The following GPHN variants were observed in gnomAD, a reference collection of about 807,000 sequenced individuals.
GPHN encodes gephyrin.
In GPHN, 17 loss-of-function variants were observed where a neutral mutation model predicts 95.5. That is an observed-to-expected ratio of 0.18 (90% CI 0.12 to 0.27). The LOEUF (loss-of-function observed/expected upper bound fraction) is 0.27, where lower values mean the gene tolerates loss of function less well. Ranked by LOEUF, GPHN falls within the 10% of genes least tolerant of loss-of-function variation. The pLI is 1.00. For synonymous variants in GPHN, 320 were observed against 322.5 expected (o/e 0.99, Z 0.08); for missense variants, 660 against 978.1 (o/e 0.67, Z 4.34).
chr14:66,859,412 G>A (rs2062936176), intron 4 of GPHN, among the ~76,000 whole-genome samples: 1 of 152,244 alleles, frequency 6.6e-6, no homozygotes, highest in South Asian at 2.1e-4. Flanking sequence ...GACCACCAAA[G>A]TGGTATCTCT....
At chr14:67,368,598 C>T in the GPHN span, among the ~76,000 whole-genome samples, 2 of 152,258 alleles carry the variant, frequency 1.3e-5, no homozygotes, top group East Asian at 3.9e-4. Flanking sequence ...AGGCTTAGTA[C>T]ACTTGACAAC....
At chr14:67,690,738 C>T in the GPHN span, 3 of 393,626 alleles carry the variant, frequency 7.6e-6, no homozygotes, top group African/African-American at 6.1e-5. Context: ...AATCTCAGCA[C>T]TTAAAGAGGC....
chr14:67,429,230 ATTTTT>A, the GPHN span, among the ~76,000 whole-genome samples: 1 of 134,632 alleles, frequency 7.4e-6, no homozygotes. Context: ...CAAGTGGACA[ATTTTT>A]TTTTTTTTTT....
chr14:66,799,448 C>CTTTTTATGTTTTTATTGGCATGGAATA (rs2060269422), intron 3 of GPHN, among the ~76,000 whole-genome samples: 1 of 152,002 alleles, frequency 6.6e-6, no homozygotes, highest in African/African-American at 2.4e-5. Flanking sequence ...GGGCCTCTCT[C>CTTTTTATGTTTTTATTGGCATGGAATA]TCTTTAGCTG....
At chr14:67,373,691 T>C in the GPHN span, among the ~76,000 whole-genome samples, 1 of 152,224 alleles carries the variant, frequency 6.6e-6, no homozygotes, top group African/African-American at 2.4e-5. Flanking sequence ...TTTAGTTTCT[T>C]CAGGTTAAAA....
the GPHN span, among the ~76,000 whole-genome samples, chr14:67,705,359 T>C: frequency 6.6e-6 from 1 of 152,208 alleles, no homozygotes; most frequent in Non-Finnish European, 1.5e-5. Context: ...TCAGTGTCAG[T>C]AGGTTACATA....
the GPHN span, among the ~76,000 whole-genome samples, chr14:67,406,115 T>C: frequency 6.6e-6 from 1 of 151,866 alleles, no homozygotes; most frequent in Non-Finnish European, 1.5e-5. Context: ...AAAAATTAGC[T>C]GGGCGTGGTG....
chr14:67,279,522 G>T, the GPHN span: 2 of 1,534,470 alleles, frequency 1.3e-6, no homozygotes, highest in Non-Finnish European at 8.7e-7. Flanking sequence ...TCCTCATTAT[G>T]CTGTGAAAAT....
At chr14:67,068,191 A>G (rs1230748433) in intron 11 of GPHN, among the ~76,000 whole-genome samples, 1 of 152,212 alleles carries the variant, frequency 6.6e-6, no homozygotes, top group East Asian at 1.9e-4. Context: ...TCACTATAGC[A>G]TACTGCATCT....
At chr14:67,576,503 G>C in the GPHN span, 9 of 1,503,612 alleles carry the variant, frequency 6.0e-6, no homozygotes, top group Non-Finnish European at 8.3e-6. This position sits in a 1 kb window ranked among gnomAD's most constrained non-coding sequence, Gnocchi z 4.0. Context: ...AGGAGATCCA[G>C]GTAAGGCAAG....
At chr14:67,721,088 G>T in the GPHN span, among the ~76,000 whole-genome samples, 5 of 152,178 alleles carry the variant, frequency 3.3e-5, no homozygotes, top group Non-Finnish European at 7.3e-5. Flanking sequence ...GTGTGTTGAG[G>T]ATGAACTGAT....
chr14:66,661,097 G>A (rs1384499868), intron 1 of GPHN, among the ~76,000 whole-genome samples: 2 of 152,162 alleles, frequency 1.3e-5, no homozygotes, highest in Admixed American at 6.5e-5. Context: ...TAGGCAGGGC[G>A]GGAGCTTGGA....
intron 5 of GPHN, among the ~76,000 whole-genome samples, chr14:66,899,568 T>A (rs1404906567): frequency 6.6e-6 from 1 of 151,980 alleles, no homozygotes; most frequent in Non-Finnish European, 1.5e-5. Flanking sequence ...GATGCATATG[T>A]TGATTTATTT....
chr14:67,306,097 G>A, the GPHN span, among the ~76,000 whole-genome samples: 1 of 152,140 alleles, frequency 6.6e-6, no homozygotes, highest in African/African-American at 2.4e-5. Context: ...AGCCTCCCTA[G>A]TAGCTGAGAC....
chr14:67,670,394 C>T, the GPHN span, among the ~76,000 whole-genome samples: 5 of 152,116 alleles, frequency 3.3e-5, no homozygotes, highest in Non-Finnish European at 7.3e-5. Flanking sequence ...TGTTTTACTC[C>T]TGTGTTGCCT....
intron 11 of GPHN, among the ~76,000 whole-genome samples, chr14:67,059,778 T>C (rs1231342801): frequency 6.6e-6 from 1 of 152,328 alleles, no homozygotes; most frequent in South Asian, 2.1e-4. Flanking sequence ...ATTGTTATTA[T>C]ACAGTTTGCC....
At chr14:67,020,234 A>T (rs72730450) in intron 9 of GPHN, among the ~76,000 whole-genome samples, 3 of 152,130 alleles carry the variant, frequency 2.0e-5, no homozygotes, top group African/African-American at 7.2e-5. Flanking sequence ...ATGTTCTCCC[A>T]TAAGAGTTAG....
At chr14:66,637,561 T>C (rs912056530) in intron 1 of GPHN, among the ~76,000 whole-genome samples, 2 of 152,132 alleles carry the variant, frequency 1.3e-5, no homozygotes, top group African/African-American at 4.8e-5. Context: ...TTTCAGGAAG[T>C]TAAATTTGTT....
chr14:67,327,588 C>T, the GPHN span, among the ~76,000 whole-genome samples: 9 of 152,108 alleles, frequency 5.9e-5, no homozygotes, highest in South Asian at 2.1e-4. Flanking sequence ...GTGCTGCACC[C>T]GTTAACTCGT....
Sources: gnomAD v4.1 joint callset for allele counts (sites outside exome capture counted in the v4.1 genomes callset) on GRCh38, gnomAD v4.1.1 for gene constraint, Gnocchi (gnomAD v3.1) non-coding constraint, MANE v1.5 for transcripts, NCBI Gene and HGNC (gene_info 2026-07-23, HGNC 2026-07-21) for gene names.